TNKS: variants seen among roughly 807,000 people sequenced by gnomAD.
TNKS encodes the protein tankyrase, also known as poly [ADP-ribose] polymerase tankyrase-1.
In TNKS, 72 loss-of-function variants were observed where a neutral mutation model predicts 135.8. The ratio of observed to expected loss-of-function variants is 0.53; its 90% CI spans 0.44 to 0.64. The LOEUF (loss-of-function observed/expected upper bound fraction) is 0.64, where lower values mean the gene tolerates loss of function less well. TNKS is among the 30% of genes least tolerant of loss of function. The pLI, the probability that TNKS is intolerant of heterozygous loss-of-function variation, is 0.00. For missense variants in TNKS, 1,769 were observed against 1,674.0 expected, an observed-to-expected ratio of 1.06 and a Z score of -0.99; for synonymous variants, 849 against 649.3, an observed-to-expected ratio of 1.31 and a Z score of -4.68.
chr8:9,670,244 T>A (rs1288501110), intron 3 of TNKS: 3 of 152,224 alleles, frequency 2.0e-5, no homozygotes, highest in Admixed American at 2.0e-4. Context: ...TTTCAAAAGT[T>A]AGTTTGTGGT....
chr8:9,654,045 G>A (rs62491544), intron 3 of TNKS, among the ~76,000 whole-genome samples: 22,537 of 152,146 alleles, frequency 0.15, 2,116 homozygotes, highest in East Asian at 0.29. Context: ...GTCTTTCCCA[G>A]TTGTGCAGTA....
At chr8:9,765,177 C>T (rs1459552727) in intron 23 of TNKS, among the ~76,000 whole-genome samples, 1 of 152,138 alleles carries the variant, frequency 6.6e-6, no homozygotes, top group East Asian at 1.9e-4. Context: ...CCTCAGAATA[C>T]ATATATTTCT....
At chr8:9,748,240 T>C in intron 18 of TNKS, 28 bp downstream of exon 18, 1 of 1,442,380 alleles carries the variant, frequency 6.9e-7, no homozygotes, top group East Asian at 2.6e-5. Context: ...ATACTGATTA[T>C]TGTTCCTTCT....
intron 5 of TNKS, among the ~76,000 whole-genome samples, chr8:9,692,787 A>T (rs1488320014): frequency 6.6e-6 from 1 of 152,194 alleles, no homozygotes; most frequent in Non-Finnish European, 1.5e-5. Flanking sequence ...TTATCATTCT[A>T]GTGTTCCAAA....
At chr8:9,615,533 A>C (rs1293424585) in intron 2 of TNKS, 49 bp from the exon 3 acceptor site, 1 of 1,486,878 alleles carries the variant, frequency 6.7e-7, no homozygotes, top group Non-Finnish European at 9.3e-7. Flanking sequence ...ACCAGTAAAT[A>C]ATCTCTGTAT....
chr8:9,699,486 T>C (rs1012726919), intron 5 of TNKS, among the ~76,000 whole-genome samples: 2 of 152,240 alleles, frequency 1.3e-5, no homozygotes, highest in African/African-American at 4.8e-5. Context: ...TCTGTTCTTT[T>C]TCTCTTTGCA....
intron 3 of TNKS, among the ~76,000 whole-genome samples, chr8:9,644,310 A>T (rs1484362833): frequency 2.0e-5 from 3 of 152,176 alleles, no homozygotes; most frequent in Non-Finnish European, 2.9e-5. Context: ...TAAATAAATA[A>T]AATGAACATT....
intron 3 of TNKS, among the ~76,000 whole-genome samples, chr8:9,666,460 C>T (rs1801992883): frequency 6.6e-6 from 1 of 152,306 alleles, no homozygotes; most frequent in Non-Finnish European, 1.5e-5. Context: ...TAGCTCACGC[C>T]TGTAATCCCC....
chr8:9,617,983 GGTTTTTTTTTT>G (rs1799708496), intron 3 of TNKS, among the ~76,000 whole-genome samples: 2 of 121,126 alleles, frequency 1.7e-5, no homozygotes, highest in African/African-American at 3.0e-5. Context: ...TCTCTTTTTT[GGTTTTTTTTTT>G]TTTTTTTTTT....
At chr8:9,677,710 T>C (rs754583643) in intron 3 of TNKS, among the ~76,000 whole-genome samples, 5 of 152,186 alleles carry the variant, frequency 3.3e-5, no homozygotes, top group African/African-American at 1.2e-4. Context: ...TGTTAAAATA[T>C]TGCAGTATTT....
At chr8:9,663,874 C>A (rs1801853639) in intron 3 of TNKS, among the ~76,000 whole-genome samples, 1 of 152,182 alleles carries the variant, frequency 6.6e-6, no homozygotes, top group Non-Finnish European at 1.5e-5. Context: ...TCCACACGTT[C>A]AGTAACCCAG....
rs764309211 is a variant in TNKS at position 9,683,972 on chromosome 8, AT to A, written c.1107+3181del. On this transcript the variant is annotated intron_variant, in intron 5 of 26. Transcript: ENST00000310430. The stretch of plus-strand genomic sequence containing the variant: ...GGCTTTTTTTTTCCCTAAAAGCAGA[AT>A]TTTTTTTTGTTCTAAAATGCTACCT... Among the ~76,000 whole-genome samples, 21 of 151,440 alleles carry A rather than the reference AT, an allele frequency of 1.4e-4. No individual in the cohort carries two copies. In the South Asian group the frequency reaches 4.2e-3, roughly 30 times the overall value.
At chr8:9,774,461 G>A (rs2128844357) in intron 26 of TNKS, among the ~76,000 whole-genome samples, 1 of 152,250 alleles carries the variant, frequency 6.6e-6, no homozygotes, top group Middle Eastern at 3.4e-3. Flanking sequence ...TAGCAGAAGT[G>A]GTTGTGTATT....
At position 9,751,653 on chromosome 8, in the gene TNKS, G is replaced by A; in HGVS notation, c.2877G>A (p.Glu959=). The change falls in exon 19 of 27, where the codon GAG becomes GAA. Residue 959 remains glutamate (E), a synonymous_variant. Transcript: ENST00000310430. ...RALLIDAMPP[E]ALPTCFKPQA... ...TGCTGATAGATGCCATGCCCCCAGA[G>A]GCCTTACCTACCTGTTTTAAACCTC... 6.2e-7 allele frequency: 1 copy of A among 1,614,114 alleles called. No homozygotes were observed. Among genetic ancestry groups the A allele is most frequent in the Non-Finnish European group, 8.5e-7 (1 of 1,180,022 alleles).
chr8:9,630,449 G>A (rs142609092), intron 3 of TNKS, among the ~76,000 whole-genome samples: 17 of 152,284 alleles, frequency 1.1e-4, no homozygotes, highest in Non-Finnish European at 2.2e-4. Flanking sequence ...TGGTTGGTTT[G>A]TTTGTTAAAT....
chr8:9,734,921 A>G lies in TNKS; in HGVS notation c.2370A>G (p.Val790=). 6.2e-7 allele frequency: 1 copy of G among 1,614,180 alleles called. No homozygotes were observed. Among genetic ancestry groups the G allele is most frequent in the Admixed American group, 1.7e-5 (1 of 60,020 alleles). Reference sequence around the variant, plus strand: ...ATGGAAATACACCTTTGGATTTGGTAAAGGAAGGAGACACAGATATTCAGG... The same window carrying G: ...ATGGAAATACACCTTTGGATTTGGTGAAGGAAGGAGACACAGATATTCAGG... ...NRDGNTPLDL[V]KEGDTDIQDL... Residue 790 remains valine (V), a synonymous_variant, in exon 16 of 27, where the codon GTA becomes GTG. Transcript: ENST00000310430.
At chr8:9,710,083 A>T in intron 10 of TNKS, 37 bp downstream of exon 10, 1 of 1,611,854 alleles carries the variant, frequency 6.2e-7, no homozygotes, top group East Asian at 2.2e-5. Context: ...TCAGTTCCTA[A>T]AGAGGAAATG....
At chr8:9,652,522 T>C (rs1801184384) in intron 3 of TNKS, among the ~76,000 whole-genome samples, 1 of 152,198 alleles carries the variant, frequency 6.6e-6, no homozygotes, top group Non-Finnish European at 1.5e-5. Context: ...AAAAAATACC[T>C]CTCCTTTTTG....
At chr8:9,613,441 A>C (rs1016690979) in intron 2 of TNKS, among the ~76,000 whole-genome samples, 5 of 152,192 alleles carry the variant, frequency 3.3e-5, no homozygotes, top group Non-Finnish European at 7.3e-5. Context: ...TGATCTAATG[A>C]GGGGTTAGAT....
Sources: allele counts gnomAD v4.1 joint callset (sites outside exome capture counted in the v4.1 genomes callset), GRCh38; gene constraint gnomAD v4.1.1; transcripts MANE v1.5; gene names NCBI Gene and HGNC (gene_info 2026-07-23, HGNC 2026-07-21).